The following USP28 variants were observed in gnomAD, a reference collection of about 807,000 sequenced individuals.
The protein encoded by USP28 is ubiquitin specific peptidase 28.
Under a neutral mutation model 145.0 loss-of-function variants are expected in USP28, and 113 were observed. The ratio of observed to expected loss-of-function variants is 0.78; its 90% CI spans 0.67 to 0.91. The LOEUF (loss-of-function observed/expected upper bound fraction) is 0.91. Ranked by LOEUF, USP28 falls within the 40% of genes least tolerant of loss-of-function variation. The pLI is 0.00. For synonymous variants in USP28, 447 were observed against 450.9 expected (o/e 0.99, Z 0.11); for missense variants, 1,201 against 1,289.6 (o/e 0.93, Z 1.05).
chr11:113,869,136 T>C (rs1948573665), intron 1 of USP28, among the ~76,000 whole-genome samples: 1 of 151,152 alleles, frequency 6.6e-6, no homozygotes, highest in African/African-American at 2.4e-5. Flanking sequence ...AAAAAAACTT[T>C]TAAAATTAAC....
exon 4 of USP28, chr11:113,841,713 C>G: frequency 6.2e-7 from 1 of 1,613,628 alleles, no homozygotes; most frequent in Non-Finnish European, 8.5e-7. Flanking sequence ...CCAGTAGACT[C>G]AAAGCAATGG....
chr11:113,818,987 C>CT (rs1942184729), intron 12 of USP28, among the ~76,000 whole-genome samples: 1 of 151,622 alleles, frequency 6.6e-6, no homozygotes, highest in African/African-American at 2.4e-5. Context: ...ATGTACACCT[C>CT]TATCAGTTTA....
In USP28 at chr11:113,863,502, G is replaced by A. The variant is rs183839827; in HGVS notation, c.58-9167C>T. 2.7e-3 allele frequency among the ~76,000 whole-genome samples: 411 copies of A among 152,008 alleles called. 2 individuals carry two copies. Among genetic ancestry groups the A allele is most frequent in the African/African-American group, 9.5e-3 (393 of 41,468 alleles). On this transcript the variant is annotated intron_variant, in intron 1 of 24. Coordinates refer to ENST00000003302, the Ensembl canonical transcript of USP28. Reference sequence around the variant, plus strand: ...TCTACAGAAAACACAAAAATTAGTCGGGTGTGGTGGCGCGTGCCTGTAGTC... The same window carrying A: ...TCTACAGAAAACACAAAAATTAGTCAGGTGTGGTGGCGCGTGCCTGTAGTC...
chr11:113,864,151 G>A (rs559843288), intron 1 of USP28, among the ~76,000 whole-genome samples: 2 of 151,952 alleles, frequency 1.3e-5, no homozygotes, highest in East Asian at 3.9e-4. Context: ...TGAGGCGGGA[G>A]AATCCCTTGA....
intron 3 of USP28, among the ~76,000 whole-genome samples, chr11:113,851,322 G>A (rs1348339072): frequency 6.6e-6 from 1 of 152,188 alleles, no homozygotes; most frequent in Non-Finnish European, 1.5e-5. Context: ...GCAAAAGCTA[G>A]TACTTAGGAA....
intron 14 of USP28, 84 bp downstream of exon 14, chr11:113,815,090 G>A: frequency 8.4e-7 from 1 of 1,187,194 alleles, no homozygotes; most frequent in Non-Finnish European, 1.2e-6. Flanking sequence ...AGTAATGTCA[G>A]GAAGTGTACC....
intron 12 of USP28, among the ~76,000 whole-genome samples, chr11:113,819,102 G>A (rs1750423166): frequency 6.6e-6 from 1 of 151,136 alleles, no homozygotes; most frequent in Non-Finnish European, 1.5e-5. Context: ...AAGAAATAGT[G>A]AGCATTTTTA....
chr11:113,843,775 A>G (rs768051056), intron 3 of USP28, among the ~76,000 whole-genome samples: 3 of 152,086 alleles, frequency 2.0e-5, no homozygotes, highest in Non-Finnish European at 2.9e-5. Context: ...GCATAAGGAG[A>G]CATATACATC....
Position 113,830,177 on chromosome 11 carries a change from C to G in USP28, c.910+690G>C, listed in dbSNP as rs185738664. Among the ~76,000 whole-genome samples the G allele has an allele frequency of 7.3e-5, 11 of 151,008 alleles. No individual in the cohort carries two copies. The East Asian group carries it at 1.9e-3, about 26-fold the overall frequency. On this transcript the variant is annotated intron_variant, in intron 9 of 24. Coordinates refer to ENST00000003302, the Ensembl canonical transcript of USP28. ...AATGAATCACACACTGGGGTCCTGA[C>G]TAAAACAAACTCTAAAAATAAATTT...
intron 1 of USP28, among the ~76,000 whole-genome samples, chr11:113,859,673 C>T (rs1326402884): frequency 6.6e-6 from 1 of 152,028 alleles, no homozygotes; most frequent in Non-Finnish European, 1.5e-5. Flanking sequence ...ATTACTAACT[C>T]ACTTCACCTG....
intron 10 of USP28, chr11:113,828,793 C>A: frequency 9.2e-6 from 3 of 325,800 alleles, no homozygotes; most frequent in East Asian, 9.7e-5. Flanking sequence ...GCAGAATTTA[C>A]AATTGAGAAC....
chr11:113,810,069 T>G (rs1287534623), intron 16 of USP28, among the ~76,000 whole-genome samples: 1 of 147,916 alleles, frequency 6.8e-6, no homozygotes, highest in African/African-American at 2.5e-5. Flanking sequence ...ATTTGGAAAC[T>G]GGTCACTGTC....
In USP28 at chr11:113,808,338, CG is replaced by C; in HGVS notation, c.2263del (p.Arg755ValfsTer8). ...TTCTACACCGCTCTTCTCATAGGCA[CG>C]GGCTGTGTTTGCAATAGCCTGGGCA... On this transcript the variant is annotated frameshift_variant, in exon 18 of 25. Transcript: ENST00000003302. LOFTEE classifies it high-confidence loss of function. The C allele has an allele frequency of 6.2e-7, 1 of 1,613,910 alleles. No homozygotes were observed. Among genetic ancestry groups the C allele is most frequent in the South Asian group, 1.1e-5 (1 of 91,086 alleles).
At chr11:113,869,730 G>A (rs1948632769) in intron 1 of USP28, among the ~76,000 whole-genome samples, 1 of 152,176 alleles carries the variant, frequency 6.6e-6, no homozygotes, top group African/African-American at 2.4e-5. Context: ...TAATACAAGT[G>A]TACATTCCCA....
chr11:113,829,720 G>A (rs1221786726), intron 9 of USP28, among the ~76,000 whole-genome samples: 1 of 151,588 alleles, frequency 6.6e-6, no homozygotes, highest in Non-Finnish European at 1.5e-5. Flanking sequence ...GGCTACTCAG[G>A]AGGATAAGGT....
At chr11:113,862,165 G>A (rs533814134) in intron 1 of USP28, among the ~76,000 whole-genome samples, 10 of 152,118 alleles carry the variant, frequency 6.6e-5, no homozygotes, top group Non-Finnish European at 1.3e-4. Context: ...TGGCCAACAC[G>A]GTGAAACCCC....
intron 11 of USP28, among the ~76,000 whole-genome samples, chr11:113,824,905 T>C (rs1487348890): frequency 7.2e-6 from 1 of 139,826 alleles, no homozygotes; most frequent in Admixed American, 7.8e-5. Context: ...CACTCCAGCC[T>C]GGGCAACAAG....
chr11:113,818,209 T>G (rs1032315434), intron 12 of USP28: 1 of 158,688 alleles, frequency 6.3e-6, no homozygotes, highest in African/African-American at 2.4e-5. Flanking sequence ...TGGAGTGCAG[T>G]GGCGCTATCT....
chr11:113,854,990 T>C (rs896678358), intron 1 of USP28, among the ~76,000 whole-genome samples: 8 of 152,212 alleles, frequency 5.3e-5, no homozygotes, highest in African/African-American at 1.9e-4. Context: ...GATATAAAGA[T>C]GTGCTATTTT....
Sources: allele counts gnomAD v4.1 joint callset (sites outside exome capture counted in the v4.1 genomes callset), GRCh38; gene constraint gnomAD v4.1.1; transcripts MANE v1.5; gene names NCBI Gene and HGNC (gene_info 2026-07-23, HGNC 2026-07-21).